The following TUBGCP3 variants were observed in gnomAD, a reference collection of about 807,000 sequenced individuals.
TUBGCP3 encodes the protein tubulin gamma complex component 3.
Under a neutral mutation model 123.1 loss-of-function variants are expected in TUBGCP3, and 50 were observed. The observed-to-expected ratio is 0.41, with a 90% CI of 0.32 to 0.51. TUBGCP3 has a LOEUF of 0.51. TUBGCP3 is among the 20% of genes least tolerant of loss of function. TUBGCP3 has a pLI of 0.36. For missense variants in TUBGCP3, 882 were observed against 1,127.0 expected, an observed-to-expected ratio of 0.78 and a Z score of 3.11; for synonymous variants, 405 against 413.9, an observed-to-expected ratio of 0.98 and a Z score of 0.26.
intron 11 of TUBGCP3, among the ~76,000 whole-genome samples, chr13:112,527,857 G>C (rs1877260845): frequency 6.6e-6 from 1 of 152,192 alleles, no homozygotes; most frequent in Non-Finnish European, 1.5e-5. Flanking sequence ...CCTCCCATCA[G>C]TCTGCCTGCC....
chr13:112,582,665 T>C (rs1389092869), intron 1 of TUBGCP3, among the ~76,000 whole-genome samples: 1 of 151,350 alleles, frequency 6.6e-6, no homozygotes, highest in Non-Finnish European at 1.5e-5. Flanking sequence ...AGATCTCTGA[T>C]GATTCTGCTT....
At position 112,519,149 on chromosome 13, in the gene TUBGCP3, G is replaced by T. The variant is rs1030495792; in HGVS notation, c.1882-106C>A. 1.0e-5 allele frequency: 9 copies of T among 876,548 alleles called. No homozygotes were observed. Among genetic ancestry groups the T allele is most frequent in the Non-Finnish European group, 1.7e-5 (9 of 529,100 alleles). 54.3% of individuals were successfully genotyped at this position (876,548 alleles called of 1,614,324 possible). A position where few individuals can be genotyped will look rare whatever the true frequency, so the allele number is the denominator to read the frequency against. ...AAATAATGCCCAATTGTTAAAAACT[G>T]CTCAACAGTTCTGAGTGCATCTTCT... is the stretch of plus-strand genomic sequence containing the variant. On this transcript the variant is annotated intron_variant, in intron 15 of 21. Coordinates refer to ENST00000261965, the MANE Select transcript of TUBGCP3 (RefSeq NM_006322.6). This position sits in a 1 kb window ranked among gnomAD's most constrained non-coding sequence, Gnocchi z 6.2.
intron 11 of TUBGCP3, among the ~76,000 whole-genome samples, chr13:112,540,956 T>C (rs770561692): frequency 1.1e-4 from 17 of 152,220 alleles, no homozygotes. Context: ...ATTAGCCTTA[T>C]ACATATTCTA....
At chr13:112,558,595 T>A (rs763055469) in intron 4 of TUBGCP3, among the ~76,000 whole-genome samples, 182 bp from the exon 5 acceptor site, 2 of 152,218 alleles carry the variant, frequency 1.3e-5, no homozygotes, top group African/African-American at 4.8e-5. Context: ...GATAAAGTTT[T>A]AGAAAATTTT....
At chr13:112,517,932 C>T (rs956499418) in intron 16 of TUBGCP3, among the ~76,000 whole-genome samples, 1 of 152,116 alleles carries the variant, frequency 6.6e-6, no homozygotes, top group African/African-American at 2.4e-5. Flanking sequence ...TAAAATATCA[C>T]ACTGCTTTTT....
intron 5 of TUBGCP3, among the ~76,000 whole-genome samples, 167 bp from the exon 6 acceptor site, chr13:112,556,391 C>A (rs572464652): frequency 2.1e-4 from 32 of 152,124 alleles, no homozygotes; most frequent in Non-Finnish European, 4.3e-4. Flanking sequence ...AACAGACAGT[C>A]CCAAGTCCCT....
At chr13:112,504,827 A>G (rs1881182251) in intron 17 of TUBGCP3, 113 bp from the exon 18 acceptor site, 1 of 841,866 alleles carries the variant, frequency 1.2e-6, no homozygotes, top group South Asian at 1.6e-5. Context: ...AGTCATTTAA[A>G]TTCTTGACCC....
In TUBGCP3 at chr13:112,524,262, G is replaced by T. The variant is rs1402340710; in HGVS notation, c.1556-1753C>A. Among the ~76,000 whole-genome samples the T allele has an allele frequency of 6.6e-6, 1 of 152,170 alleles. No individual in the cohort carries two copies. Among genetic ancestry groups the T allele is most frequent in the East Asian group, 1.9e-4 (1 of 5,196 alleles). ...TGCAAATAGCTGTTAAATTGTCTTG[G>T]TTTTTTGTGTATTTTTTTAGTGGCT... On this transcript the variant is annotated intron_variant, in intron 13 of 21. Transcript: ENST00000261965. The surrounding 1 kb of genome is among the most constrained non-coding windows in gnomAD (Gnocchi z 4.4).
intron 20 of TUBGCP3, among the ~76,000 whole-genome samples, chr13:112,496,106 G>A (rs560782609): frequency 2.0e-5 from 3 of 152,130 alleles, no homozygotes; most frequent in African/African-American, 7.2e-5. Flanking sequence ...ATGCATTATC[G>A]TAAGATGGCA....
chr13:112,579,461 G>A (rs1882116545), intron 1 of TUBGCP3, among the ~76,000 whole-genome samples: 1 of 147,410 alleles, frequency 6.8e-6, no homozygotes, highest in Admixed American at 6.8e-5. Context: ...ACACTGCTGA[G>A]TGCCCGCGGG....
In TUBGCP3 at chr13:112,536,957, T is replaced by C. The variant is rs189930691; in HGVS notation, c.1335+8742A>G. ...TGGCTCATTTTTTCTTAATCTTTTGTAGAGAGGAAGGTCTTGCTATGTTGC... is the reference window on the plus strand; with the variant it reads ...TGGCTCATTTTTTCTTAATCTTTTGCAGAGAGGAAGGTCTTGCTATGTTGC... On this transcript the variant is annotated intron_variant, in intron 11 of 21. Coordinates refer to ENST00000261965, the MANE Select transcript of TUBGCP3 (RefSeq NM_006322.6). 1.5e-3 allele frequency among the ~76,000 whole-genome samples: 228 copies of C among 152,036 alleles called. 1 individual carries two copies. Among genetic ancestry groups the C allele is most frequent in the African/African-American group, 5.3e-3 (220 of 41,454 alleles).
chr13:112,580,693 C>G (rs1329103498), intron 1 of TUBGCP3, among the ~76,000 whole-genome samples: 5 of 152,120 alleles, frequency 3.3e-5, no homozygotes, highest in African/African-American at 1.2e-4. Flanking sequence ...TCAGACTTCT[C>G]ATCAATAATG....
chr13:112,514,638 T>A (rs1288902970), intron 17 of TUBGCP3, among the ~76,000 whole-genome samples: 1 of 152,212 alleles, frequency 6.6e-6, no homozygotes, highest in East Asian at 1.9e-4. Flanking sequence ...CAGACAACTA[T>A]CAACAATACA....
chr13:112,516,207 A>C (rs1876109719), intron 17 of TUBGCP3, among the ~76,000 whole-genome samples: 1 of 152,266 alleles, frequency 6.6e-6, no homozygotes, highest in Non-Finnish European at 1.5e-5. Flanking sequence ...TAAATGAGTC[A>C]GTGATTTATT....
chr13:112,584,264 T>C (rs1882461203), intron 1 of TUBGCP3: 1 of 152,246 alleles, frequency 6.6e-6, no homozygotes, highest in Non-Finnish European at 1.5e-5. Context: ...AGCTTTTGTT[T>C]ATGTAGGTTA....
chr13:112,530,650 C>T (rs1347528006), intron 11 of TUBGCP3, among the ~76,000 whole-genome samples: 1 of 152,186 alleles, frequency 6.6e-6, no homozygotes, highest in African/African-American at 2.4e-5. Flanking sequence ...AGAACCAATT[C>T]CCCTCGTAAT....
chr13:112,547,470 A>G (rs1879109766), intron 10 of TUBGCP3, 150 bp downstream of exon 10: 3 of 1,287,132 alleles, frequency 2.3e-6, no homozygotes, highest in South Asian at 2.4e-5. Flanking sequence ...GGCGCACCCT[A>G]CAAACGAGTT....
In TUBGCP3 at chr13:112,554,079, C is replaced by T. The variant is rs376554269; in HGVS notation, c.944G>A (p.Arg315His). ...RRYTDQRSLD[R>H]SFGLVGQSFC... ...CACCTGCCCGACGAGTCCGAATGAG[C>T]GGTCCAGGCTCCTCTGGTCCGTGTA... Residue 315 changes from arginine to histidine, a missense_variant, in exon 8 of 22, where the codon CGC (arginine) becomes CAC (histidine). Arg to His is a conservative substitution (Grantham distance 29). This residue lies in a region of TUBGCP3 where 713 missense variants were observed against 874.0 expected (regional missense o/e 0.82). Transcript: ENST00000261965. 1.4e-5 allele frequency: 22 copies of T among 1,612,782 alleles called. No homozygotes were observed. Among genetic ancestry groups the T allele is most frequent in the African/African-American group, 8.0e-5 (6 of 74,836 alleles).
At chr13:112,585,529 C>T (rs528971417) in intron 1 of TUBGCP3, among the ~76,000 whole-genome samples, 2 of 151,716 alleles carry the variant, frequency 1.3e-5, no homozygotes, top group East Asian at 2.0e-4. Context: ...GGAGGCCAAG[C>T]GGCAGGGGGG....
Sources: gnomAD v4.1 joint callset for allele counts (sites outside exome capture counted in the v4.1 genomes callset) on GRCh38, gnomAD v4.1.1 for gene constraint, gnomAD v4.1.1 regional missense constraint, Gnocchi (gnomAD v3.1) non-coding constraint, MANE v1.5 for transcripts, NCBI Gene and HGNC (gene_info 2026-07-23, HGNC 2026-07-21) for gene names.